PDPN: variants seen among roughly 807,000 people sequenced by gnomAD.
PDPN encodes the protein podoplanin, also known as PA2.26 antigen.
Under a neutral mutation model 23.2 loss-of-function variants are expected in PDPN, and 12 were observed. That is an observed-to-expected ratio of 0.52 (90% CI 0.33 to 0.84). The LOEUF is 0.84. Ranked by LOEUF, PDPN falls within the 40% of genes least tolerant of loss-of-function variation. PDPN has a pLI of 0.02. For synonymous variants in PDPN, 77 were observed against 76.7 expected (o/e 1.00, Z -0.02); for missense variants, 199 against 212.2 (o/e 0.94, Z 0.39).
chr1:13,593,120 AAG>A (rs1177706021), intron 1 of PDPN, among the ~76,000 whole-genome samples: 1 of 152,194 alleles, frequency 6.6e-6, no homozygotes, highest in Non-Finnish European at 1.5e-5. Flanking sequence ...GAGCACTTAA[AAG>A]AGCACGAGGT....
chr1:13,600,079 T>G (rs1557542896), intron 1 of PDPN, among the ~76,000 whole-genome samples: 1 of 152,246 alleles, frequency 6.6e-6, no homozygotes, highest in South Asian at 2.1e-4. Flanking sequence ...GACTGGAAGA[T>G]TCTAACAAGA....
At position 13,617,679 on chromosome 1, in the gene PDPN, C is replaced by A; in HGVS notation, c.*1768C>A. On this transcript the variant is annotated 3_prime_UTR_variant, in exon 6 of 6. Transcript: ENST00000621990. Reference sequence around the variant, plus strand: ...TGCCACTGCGCTCGGCCTCAGATTCCATATTTGAACACCAGCTGATTGAGA... The same window carrying A: ...TGCCACTGCGCTCGGCCTCAGATTCAATATTTGAACACCAGCTGATTGAGA... 1 of 152,534 alleles carries A rather than the reference C, an allele frequency of 6.6e-6. No homozygotes were observed. 9.4% of individuals were successfully genotyped at this position (152,534 alleles called of 1,614,324 possible).
chr1:13,612,383 A>G (rs1640957049), intron 3 of PDPN, among the ~76,000 whole-genome samples: 2 of 152,206 alleles, frequency 1.3e-5, no homozygotes, highest in African/African-American at 4.8e-5. Flanking sequence ...CAAATCCTCC[A>G]CAAACTTTAG....
rs540982542 is a variant in PDPN, at chr1:13,599,042, C to T, written c.68-8131C>T. Among the ~76,000 whole-genome samples, 13 of 123,080 alleles carry T rather than the reference C, an allele frequency of 1.1e-4. No individual in the cohort carries two copies. In the South Asian group the frequency reaches 3.3e-3, roughly 31 times the overall value. 80.7% of individuals were successfully genotyped at this position (123,080 alleles called of 152,430 possible). ...TTTTTTTTTTTTGGAGATGGAGTCT[C>T]GCTCTGTCACTAGCCTGGAGTGTAG... On this transcript the variant is annotated intron_variant, in intron 1 of 5. Coordinates refer to ENST00000621990, the MANE Select transcript of PDPN (RefSeq NM_006474.5).
intron 1 of PDPN, among the ~76,000 whole-genome samples, chr1:13,602,966 C>T (rs1640684971): frequency 6.6e-6 from 1 of 151,908 alleles, no homozygotes; most frequent in African/African-American, 2.4e-5. Flanking sequence ...ACTGCTTGAA[C>T]CCAGGAGTTT....
intron 2 of PDPN, among the ~76,000 whole-genome samples, chr1:13,608,711 G>A (rs1640857478): frequency 6.6e-6 from 1 of 152,216 alleles, no homozygotes. Context: ...GTTTCTCGCA[G>A]GACTGGTTGT....
At chr1:13,587,695 AG>A (rs1290993290) in intron 1 of PDPN, among the ~76,000 whole-genome samples, 2 of 152,116 alleles carry the variant, frequency 1.3e-5, no homozygotes, top group Non-Finnish European at 2.9e-5. Context: ...TACTGTGATG[AG>A]TCTTAGGATT....
At chr1:13,611,299 A>G (rs190683493) in intron 3 of PDPN, among the ~76,000 whole-genome samples, 20 of 152,136 alleles carry the variant, frequency 1.3e-4, no homozygotes, top group Non-Finnish European at 2.8e-4. Flanking sequence ...TTATAGCAGC[A>G]TTATTCACAA....
chr1:13,583,825 A>G (rs369019664), upstream of PDPN: 42 of 1,552,896 alleles, frequency 2.7e-5, no homozygotes, highest in Middle Eastern at 3.5e-4. Flanking sequence ...CCGCTCGGAA[A>G]GTTCTCAACT....
intron 1 of PDPN, among the ~76,000 whole-genome samples, chr1:13,587,347 C>T (rs1401546857): frequency 6.6e-6 from 1 of 152,072 alleles, no homozygotes; most frequent in Admixed American, 6.6e-5. Context: ...TAAAGTGTGC[C>T]CTGCAGTCCT....
In PDPN at chr1:13,600,371, CT is replaced by C. The variant is rs34705737; in HGVS notation, c.68-6789del. ...CATGAACTTGGCACATCACTTAACT[CT>C]TTTTTTTTTTTTGAGATGGAGATTC... On this transcript the variant is annotated intron_variant, in intron 1 of 5. Coordinates refer to ENST00000621990, the MANE Select transcript of PDPN (RefSeq NM_006474.5). 0.011 allele frequency among the ~76,000 whole-genome samples: 1,548 copies of C among 145,670 alleles called. 46 individuals carry two copies. The East Asian group carries it at 0.11, about 11-fold the overall frequency.
rs567223952 is a variant in PDPN, at chr1:13,615,875, C to T, written c.483-30C>T. The T allele has an allele frequency of 8.7e-6, 14 of 1,607,144 alleles. No homozygotes were observed. The South Asian group carries it at 1.1e-4, about 13-fold the overall frequency. On this transcript the variant is annotated intron_variant, in intron 5 of 5. Transcript: ENST00000621990. ...TACTATTCACAATGCCAGTAAGAGA[C>T]ACGACCGTCACCCTTCTCTATTTTC...
rs189019995 is a variant in PDPN at position 13,610,460 on chromosome 1, C to G, written c.275C>G (p.Ala92Gly). 1.2e-6 allele frequency: 2 copies of G among 1,614,066 alleles called. No individual in the cohort carries two copies. Among genetic ancestry groups the G allele is most frequent in the African/African-American group, 1.3e-5 (1 of 75,026 alleles). ...CCAACTTCAGAAAGCACAGTCCACG[C>G]GCAAGAACAAAGTCCAAGCGCCACA... ...DLPTSESTVH[A>G]QEQSPSATAS... Residue 92 changes from alanine (A) to glycine (G), a missense_variant, in exon 3 of 6, where the codon GCG (alanine) becomes GGG (glycine). Coordinates refer to ENST00000621990, the MANE Select transcript of PDPN (RefSeq NM_006474.5).
In PDPN at chr1:13,585,452, T is replaced by C. The variant is rs1640150594; in HGVS notation, c.67+1352T>C. On this transcript the variant is annotated intron_variant, in intron 1 of 5. Transcript: ENST00000621990. ...AATATATACAGTTCTGTATTTTCAG[T>C]TACATTTCCTTTTTGGCGAGACAAT... 3.1e-6 allele frequency: 4 copies of C among 1,306,436 alleles called. No individual in the cohort carries two copies. The African/African-American group carries it at 6.1e-5, about 20-fold the overall frequency. The allele number at this position is 1,306,436 out of a possible 1,614,324, so 80.9% of individuals were successfully genotyped here.
At chr1:13,615,612 A>T (rs541169183) in intron 5 of PDPN, among the ~76,000 whole-genome samples, 1 of 152,134 alleles carries the variant, frequency 6.6e-6, no homozygotes, top group African/African-American at 2.4e-5. Flanking sequence ...TATGAGTTGG[A>T]GGGATGATAT....
At chr1:13,586,686 G>A (rs1487478078) in intron 1 of PDPN, among the ~76,000 whole-genome samples, 3 of 149,960 alleles carry the variant, frequency 2.0e-5, no homozygotes, top group East Asian at 2.0e-4. Flanking sequence ...CTCTTATCTC[G>A]GAATATACCA....
At chr1:13,599,111 A>G (rs1640573532) in intron 1 of PDPN, among the ~76,000 whole-genome samples, 1 of 150,598 alleles carries the variant, frequency 6.6e-6, no homozygotes, top group Non-Finnish European at 1.5e-5. Context: ...CCAGGGTTCA[A>G]GGGATTCCCC....
intron 1 of PDPN, among the ~76,000 whole-genome samples, chr1:13,599,684 T>C (rs1043004447): frequency 1.1e-4 from 17 of 152,144 alleles, no homozygotes; most frequent in African/African-American, 3.9e-4. Flanking sequence ...TGTTGCTTAT[T>C]TTTTTATGGT....
At chr1:13,613,561 T>TA in intron 3 of PDPN, 126 bp from the exon 4 acceptor site, 1 of 653,016 alleles carries the variant, frequency 1.5e-6, no homozygotes, top group Non-Finnish European at 2.8e-6. Context: ...CCAATTTATT[T>TA]AAGAAGCCAT....
Sources: gnomAD v4.1 joint callset for allele counts (sites outside exome capture counted in the v4.1 genomes callset) on GRCh38, gnomAD v4.1.1 for gene constraint, MANE v1.5 for transcripts, NCBI Gene and HGNC (gene_info 2026-07-23, HGNC 2026-07-21) for gene names.